RAPGEF2: variants seen among roughly 807,000 people sequenced by gnomAD.
RAPGEF2 encodes Rap guanine nucleotide exchange factor 2.
RAPGEF2 carries 54 observed loss-of-function variants against 186.7 expected under a neutral mutation model. The observed-to-expected ratio is 0.29, with a 90% CI of 0.23 to 0.36. RAPGEF2 has a LOEUF of 0.36. Among genes scored for constraint, RAPGEF2 ranks in the 10% least tolerant of loss-of-function variants. The pLI is 1.00. For synonymous variants in RAPGEF2, 712 were observed against 705.9 expected (o/e 1.01, Z -0.14); for missense variants, 1,532 against 2,045.0 (o/e 0.75, Z 4.84).
chr4:159,118,122 A>G (rs576572364), intron 1 of RAPGEF2, among the ~76,000 whole-genome samples: 1 of 152,352 alleles, frequency 6.6e-6, no homozygotes, highest in East Asian at 1.9e-4. Context: ...ACCAGGCCAT[A>G]CAGCAGGAAG....
intron 1 of RAPGEF2, among the ~76,000 whole-genome samples, chr4:159,120,986 C>G (rs745698258): frequency 4.1e-4 from 63 of 152,184 alleles, no homozygotes; most frequent in Non-Finnish European, 6.8e-4. Flanking sequence ...TCCCTACTAG[C>G]TGGGACTATC....
chr4:159,235,556 AT>A (rs1753164700), intron 4 of RAPGEF2, among the ~76,000 whole-genome samples: 1 of 152,190 alleles, frequency 6.6e-6, no homozygotes, highest in Admixed American at 6.5e-5. Flanking sequence ...GTTATTTGCA[AT>A]CCTGAAGATT....
chr4:159,225,719 G>A (rs1751965338), intron 4 of RAPGEF2, among the ~76,000 whole-genome samples: 1 of 151,858 alleles, frequency 6.6e-6, no homozygotes, highest in African/African-American at 2.4e-5. Flanking sequence ...TTTTTATTTT[G>A]CATTTCTCTG....
In RAPGEF2 at chr4:159,132,565, C is replaced by T. The variant is rs149576539; in HGVS notation, c.69+28334C>T. ...GAAAGAGGTAGATGGTTTTTAAAGG[C>T]GTGGCAAGTTGTTGGCTTTTTAAAA... On this transcript the variant is annotated intron_variant, in intron 1 of 29. Transcript: ENST00000691494. Among the ~76,000 whole-genome samples the T allele has an allele frequency of 5.3e-3, 801 of 152,222 alleles. 7 individuals carry two copies. The highest frequency in any genetic ancestry group is 0.018 in the African/African-American group (759 of 41,536).
intron 6 of RAPGEF2, 138 bp downstream of exon 6, chr4:159,241,506 T>C (rs1241332771): frequency 1.1e-5 from 3 of 276,778 alleles, no homozygotes; most frequent in African/African-American, 6.9e-5. Context: ...TACTTAAATA[T>C]TTATTTTTAT....
In RAPGEF2 at chr4:159,273,686, CT is replaced by C. The variant is rs1561189069; in HGVS notation, c.543+29898del. Among the ~76,000 whole-genome samples, 7 of 141,854 alleles carry C rather than the reference CT, an allele frequency of 4.9e-5. No individual in the cohort carries two copies. The East Asian group carries it at 8.3e-4, about 17-fold the overall frequency. The allele number at this position is 141,854 out of a possible 152,430, so 93.1% of individuals were successfully genotyped here. On this transcript the variant is annotated intron_variant, in intron 7 of 29. Coordinates refer to ENST00000691494, the MANE Select transcript of RAPGEF2 (RefSeq NM_001394067.2). ...TCTTTCTTTCTTTCTTTCTTTCTTT[CT>C]TTCTTTCTTTCTTTCTCAATTTAAA...
intron 1 of RAPGEF2, among the ~76,000 whole-genome samples, chr4:159,147,996 T>G (rs1743125285): frequency 6.6e-6 from 1 of 152,228 alleles, no homozygotes. Flanking sequence ...AATCTAAAAT[T>G]TCTTATTTTG....
intron 7 of RAPGEF2, among the ~76,000 whole-genome samples, chr4:159,300,316 CTA>C (rs1383906480): frequency 1.3e-5 from 2 of 151,736 alleles, no homozygotes; most frequent in East Asian, 3.9e-4. Flanking sequence ...TGTGGTTAAA[CTA>C]TGATTCAACC....
chr4:159,341,662 G>A lies in RAPGEF2; in HGVS notation c.2633G>A (p.Ser878Asn). ...RESQISLLQL[S>N]TVEVATQLSM... ...AGTCAAATTTCCCTCCTTCAGCTCA[G>A]CACTGTGGAAGTTGCAACACAGCTC... Residue 878 changes from serine to asparagine, a missense_variant, in exon 20 of 30, where the codon AGC becomes AAC. This residue lies in a region of RAPGEF2 where 810 missense variants were observed against 1,210.5 expected (regional missense o/e 0.67). Transcript: ENST00000691494. 3 of 1,614,090 alleles carry A rather than the reference G, an allele frequency of 1.9e-6. No homozygotes were observed. The highest frequency in any genetic ancestry group is 2.5e-6 in the Non-Finnish European group (3 of 1,179,962).
chr4:159,315,985 C>A (rs949666404), intron 9 of RAPGEF2, among the ~76,000 whole-genome samples: 2 of 152,174 alleles, frequency 1.3e-5, no homozygotes, highest in African/African-American at 4.8e-5. Context: ...TAAACTCCCC[C>A]TGGGGAAGGG....
At chr4:159,190,590 A>G (rs940593108) in intron 2 of RAPGEF2, among the ~76,000 whole-genome samples, 2 of 152,230 alleles carry the variant, frequency 1.3e-5, no homozygotes, top group African/African-American at 4.8e-5. Flanking sequence ...TTTATAAAGG[A>G]AAGAAGTTTA....
At chr4:159,116,599 T>C (rs1286938999) in intron 1 of RAPGEF2, among the ~76,000 whole-genome samples, 2 of 152,166 alleles carry the variant, frequency 1.3e-5, no homozygotes, top group African/African-American at 4.8e-5. Flanking sequence ...GTTATAAAGA[T>C]ACATGGAAGC....
Position 159,329,874 on chromosome 4 carries a change from A to G in RAPGEF2, c.1166A>G (p.Gln389Arg). 1 of 1,612,744 alleles carries G rather than the reference A, an allele frequency of 6.2e-7. No individual in the cohort carries two copies. The highest frequency in any genetic ancestry group is 8.5e-7 in the Non-Finnish European group (1 of 1,179,262). ...TTATTCCAGTTTGTCTGCATAGCCC[A>G]GCAAGATTACTGCCGTATTCTCAAT... is the stretch of plus-strand genomic sequence containing the variant. ...VDDCQFVCIA[Q>R]QDYCRILNQV... is the part of the protein sequence containing the mutation. The change falls in exon 12 of 30, where the codon CAG (glutamine) becomes CGG (arginine). Residue 389 changes from glutamine (Q) to arginine (R), a missense_variant. Around this residue, in one of 4 missense-constraint regions of RAPGEF2, gnomAD observed 810 missense variants for 1,210.5 expected, o/e 0.67. Coordinates refer to ENST00000691494, the MANE Select transcript of RAPGEF2 (RefSeq NM_001394067.2).
At chr4:159,198,280 TTCTTTCTTTCTTTCTTTCTTTC>T (rs1395555384) in intron 3 of RAPGEF2, among the ~76,000 whole-genome samples, 3 of 6,288 alleles carry the variant, frequency 4.8e-4, no homozygotes, top group African/African-American at 1.8e-3. Flanking sequence ...CCTTCTTTCT[TTCTTTCTTTCTTTCTTTCTTTC>T]TTTCTTTCTT....
intron 11 of RAPGEF2, chr4:159,329,639 T>C (rs1459322088): frequency 6.5e-6 from 2 of 305,916 alleles, no homozygotes; most frequent in Non-Finnish European, 5.9e-6. Flanking sequence ...GAATGTAAAA[T>C]ACATATAAGT....
intron 11 of RAPGEF2, chr4:159,328,112 T>G (rs1450652857): frequency 6.6e-6 from 1 of 152,116 alleles, no homozygotes; most frequent in Non-Finnish European, 1.5e-5. Flanking sequence ...TCTCTAAAAC[T>G]GAGCACAAGA....
At chr4:159,234,834 A>T (rs1024854461) in intron 4 of RAPGEF2, among the ~76,000 whole-genome samples, 9 of 152,048 alleles carry the variant, frequency 5.9e-5, no homozygotes, top group African/African-American at 4.8e-5. Flanking sequence ...ATCTCGACTC[A>T]CTGTGACCTC....
chr4:159,241,976 A>C lies in RAPGEF2; in HGVS notation c.525+608A>C, dbSNP rs1003931758. On this transcript the variant is annotated intron_variant, in intron 6 of 29. Transcript: ENST00000691494. ...TTAAAATCTCAATGTAAAGATGCTT[A>C]GAAATATTTCTAATAGGTTCAAAGA... Among the ~76,000 whole-genome samples the C allele has an allele frequency of 4.6e-5, 7 of 152,166 alleles. 1 individual carries two copies. Among genetic ancestry groups the C allele is most frequent in the Non-Finnish European group, 1.5e-5 (1 of 67,992 alleles).
intron 7 of RAPGEF2, among the ~76,000 whole-genome samples, chr4:159,284,591 G>T (rs546399423): frequency 4.6e-5 from 7 of 151,406 alleles, no homozygotes; most frequent in African/African-American, 1.7e-4. Context: ...GACTCCTCTG[G>T]ATTTCATTCC....
Sources: gnomAD v4.1 joint callset for allele counts (sites outside exome capture counted in the v4.1 genomes callset) on GRCh38, gnomAD v4.1.1 for gene constraint, gnomAD v4.1.1 regional missense constraint, MANE v1.5 for transcripts, NCBI Gene and HGNC (gene_info 2026-07-23, HGNC 2026-07-21) for gene names.